FGD5: variants seen among roughly 807,000 people sequenced by gnomAD.
FGD5 encodes FYVE, RhoGEF and PH domain-containing protein 5.
Under a neutral mutation model 133.4 loss-of-function variants are expected in FGD5, and 28 were observed. That is an observed-to-expected ratio of 0.21 (90% CI 0.16 to 0.29). The LOEUF (loss-of-function observed/expected upper bound fraction) is 0.29. Ranked by LOEUF, FGD5 falls within the 10% of genes least tolerant of loss-of-function variation. The pLI is 1.00. For synonymous variants in FGD5, 810 were observed against 776.5 expected, an observed-to-expected ratio of 1.04 and a Z score of -0.72; for missense variants, 1,858 against 1,895.2, an observed-to-expected ratio of 0.98 and a Z score of 0.36.
intron 9 of FGD5, among the ~76,000 whole-genome samples, chr3:14,903,558 G>A (rs1157801971): frequency 7.5e-6 from 1 of 133,018 alleles, no homozygotes; most frequent in Non-Finnish European, 1.5e-5. Flanking sequence ...CTGTGTCCAT[G>A]TGATCTCATT....
At position 14,928,142 on chromosome 3, in the gene FGD5, A is replaced by G. The variant is rs1050593748; in HGVS notation, c.4197+1944A>G. Among the ~76,000 whole-genome samples the G allele has an allele frequency of 3.3e-5, 5 of 151,840 alleles. No individual in the cohort carries two copies. The East Asian group carries it at 5.8e-4, about 18-fold the overall frequency. On this transcript the variant is annotated intron_variant, in intron 18 of 19. Transcript: ENST00000285046. ...TTTTTAGTAGAGACGAGGTTTCACC[A>G]TGTTGGCCAGGATGGTCTCGATCTC...
At chr3:14,825,526 T>G (rs1460289973) in intron 1 of FGD5, among the ~76,000 whole-genome samples, 4 of 152,124 alleles carry the variant, frequency 2.6e-5, no homozygotes, top group Admixed American at 2.6e-4. Context: ...GGTACGCACC[T>G]GTAGTCCCAG....
At chr3:14,888,888 C>T (rs7648485) in intron 4 of FGD5, among the ~76,000 whole-genome samples, 106,968 of 152,080 alleles carry the variant, frequency 0.7, 37,740 homozygotes, top group Non-Finnish European at 0.73. Flanking sequence ...ACCTGGGAAA[C>T]TGTGAGAAAT....
At chr3:14,896,492 CGG>C (rs2038141445) in intron 4 of FGD5, among the ~76,000 whole-genome samples, 1 of 150,798 alleles carries the variant, frequency 6.6e-6, no homozygotes, top group Non-Finnish European at 1.5e-5. Context: ...TTTTTTGAGA[CGG>C]AGTTTTATTC....
intron 18 of FGD5, 80 bp from the exon 19 acceptor site, chr3:14,932,497 G>T (rs1013425910): frequency 6.8e-7 from 1 of 1,479,244 alleles, no homozygotes; most frequent in South Asian, 1.3e-5. Context: ...CACTCTTCAC[G>T]CATCTCAGAT....
At chr3:14,870,903 T>A (rs1454400975) in intron 2 of FGD5, among the ~76,000 whole-genome samples, 1 of 152,230 alleles carries the variant, frequency 6.6e-6, no homozygotes, top group Non-Finnish European at 1.5e-5. Flanking sequence ...ACGTGTCATC[T>A]TCTTATTGCC....
rs1459670920 is a variant in FGD5, at chr3:14,821,322, C to T, written c.2251C>T (p.Pro751Ser). The T allele has an allele frequency of 6.2e-7, 1 of 1,613,976 alleles. No homozygotes were observed. The highest frequency in any genetic ancestry group is 8.5e-7 in the Non-Finnish European group (1 of 1,179,888). Reference protein sequence around the residue: ...RVESFEDRSRPPFLPLPLTKP... With the variant: ...RVESFEDRSRSPFLPLPLTKP... ...GGAGTCCTTTGAAGACCGCTCCCGG[C>T]CGCCCTTCCTGCCCTTGCCACTGAC... The change falls in exon 1 of 20, where the codon CCG (proline) becomes TCG (serine). Residue 751 changes from proline to serine, a missense_variant. Transcript: ENST00000285046.
At position 14,820,121 on chromosome 3, in the gene FGD5, C is replaced by G; in HGVS notation, c.1050C>G (p.Phe350Leu). 1 of 1,614,032 alleles carries G rather than the reference C, an allele frequency of 6.2e-7. No homozygotes were observed. Among genetic ancestry groups the G allele is most frequent in the Non-Finnish European group, 8.5e-7 (1 of 1,179,896 alleles). ...TCACAGGAAGCCCCTATGAGTTCTT[C>G]CCAACTGAGAGCACCTCTTTTTGCA... ...TSLTGSPYEF[F>L]PTESTSFCSE... Residue 350 changes from phenylalanine (F) to leucine (L), a missense_variant, in exon 1 of 20, where the codon TTC becomes TTG. Coordinates refer to ENST00000285046, the MANE Select transcript of FGD5 (RefSeq NM_152536.4).
intron 2 of FGD5, among the ~76,000 whole-genome samples, chr3:14,875,306 T>C (rs1656432): frequency 0.14 from 21,848 of 151,920 alleles, 1,886 homozygotes; most frequent in East Asian, 0.39. Context: ...TCCTTGTGTG[T>C]GGATGTGGGT....
chr3:14,854,416 T>TTG (rs1553625416), intron 1 of FGD5, among the ~76,000 whole-genome samples: 1 of 133,328 alleles, frequency 7.5e-6, no homozygotes, highest in Non-Finnish European at 1.6e-5. Context: ...TTTATTTATT[T>TTG]ATTTATTTAT....
chr3:14,817,876 C>T (rs184933185), upstream of FGD5, among the ~76,000 whole-genome samples: 22 of 152,180 alleles, frequency 1.4e-4, no homozygotes, highest in African/African-American at 5.1e-4. Context: ...ATTCTATGCC[C>T]GCAGTATGCA....
At chr3:14,860,539 TCCA>T (rs772696297) in intron 1 of FGD5, among the ~76,000 whole-genome samples, 5 of 152,228 alleles carry the variant, frequency 3.3e-5, no homozygotes, top group Non-Finnish European at 5.9e-5. Context: ...CTGCATGGGC[TCCA>T]CGACTGCCAT....
At chr3:14,885,498 G>A (rs978185975) in intron 4 of FGD5, among the ~76,000 whole-genome samples, 3 of 152,150 alleles carry the variant, frequency 2.0e-5, no homozygotes, top group Non-Finnish European at 4.4e-5. Context: ...AGCCTCCAGC[G>A]GAATGCTGAG....
chr3:14,841,679 G>A (rs2036924059), intron 1 of FGD5, among the ~76,000 whole-genome samples: 1 of 152,078 alleles, frequency 6.6e-6, no homozygotes, highest in African/African-American at 2.4e-5. Flanking sequence ...ACATCGGTGG[G>A]GGCAGGGCTT....
rs530917883 is a variant in FGD5, at chr3:14,823,369, A to G, written c.2525+1773A>G. On this transcript the variant is annotated intron_variant, in intron 1 of 19. Coordinates refer to ENST00000285046, the MANE Select transcript of FGD5 (RefSeq NM_152536.4). Reference sequence around the variant, plus strand: ...TCATCGGGTGCTGGGTACTCTGATCATGAGGAAGAGTTTCTCTGTGACTGA... The same window carrying G: ...TCATCGGGTGCTGGGTACTCTGATCGTGAGGAAGAGTTTCTCTGTGACTGA... Among the ~76,000 whole-genome samples, 15 of 152,298 alleles carry G rather than the reference A, an allele frequency of 9.8e-5. No homozygotes were observed. The South Asian group carries it at 2.7e-3, about 27-fold the overall frequency.
intron 4 of FGD5, 56 bp downstream of exon 4, chr3:14,880,828 A>G (rs368996784): frequency 1.4e-5 from 22 of 1,593,004 alleles, no homozygotes; most frequent in Non-Finnish European, 1.8e-5. Context: ...AGTCTGTGAT[A>G]TAAGAGGCAG....
intron 1 of FGD5, among the ~76,000 whole-genome samples, chr3:14,863,349 C>G (rs2037436527): frequency 6.6e-6 from 1 of 152,042 alleles, no homozygotes; most frequent in African/African-American, 2.4e-5. Context: ...CTGAGAGCCC[C>G]TGCTGTGGGG....
chr3:14,934,067 T>C lies in FGD5; in HGVS notation c.*900T>C, dbSNP rs2038942436. The C allele has an allele frequency of 6.6e-6, 1 of 152,248 alleles. No homozygotes were observed. Among genetic ancestry groups the C allele is most frequent in the African/African-American group, 2.4e-5 (1 of 41,464 alleles). The allele number at this position is 152,248 out of a possible 1,614,324, so 9.4% of individuals were successfully genotyped here. On this transcript the variant is annotated 3_prime_UTR_variant, in exon 20 of 20. Transcript: ENST00000285046. ...TACCTCACTCAAGCTGACAACATTGTTTATGGGAATCTATCCTTCTTTTAG... is the reference window on the plus strand; with the variant it reads ...TACCTCACTCAAGCTGACAACATTGCTTATGGGAATCTATCCTTCTTTTAG...
In FGD5 at chr3:14,923,413, T is replaced by C. The variant is rs1040102126; in HGVS notation, c.3937+238T>C. 2.2e-5 allele frequency: 12 copies of C among 555,250 alleles called. No homozygotes were observed. In the African/African-American group the frequency reaches 2.3e-4, roughly 11 times the overall value. The allele number at this position is 555,250 out of a possible 1,614,324, so 34.4% of individuals were successfully genotyped here. ...GTGGGTAGCTAAGCTTAGGAATCAGTGTGTGTGTAAGGGGACAGAGGCAGG... is the reference window on the plus strand; with the variant it reads ...GTGGGTAGCTAAGCTTAGGAATCAGCGTGTGTGTAAGGGGACAGAGGCAGG... On this transcript the variant is annotated intron_variant, in intron 16 of 19. Coordinates refer to ENST00000285046, the MANE Select transcript of FGD5 (RefSeq NM_152536.4).
Sources: gnomAD v4.1 joint callset for allele counts (sites outside exome capture counted in the v4.1 genomes callset) on GRCh38, gnomAD v4.1.1 for gene constraint, MANE v1.5 for transcripts, NCBI Gene and HGNC (gene_info 2026-07-23, HGNC 2026-07-21) for gene names.